Variants in COL6A2 observed in about 807,000 individuals in gnomAD.
COL6A2 encodes collagen alpha-2(VI) chain.
A neutral mutation model predicts 124.9 loss-of-function variants in COL6A2; 90 were observed. The observed-to-expected ratio is 0.72, with a 90% CI of 0.61 to 0.86. The LOEUF is 0.86. Ranked by LOEUF, COL6A2 falls within the 40% of genes least tolerant of loss-of-function variation. The pLI is 0.00. For missense variants in COL6A2, 1,607 were observed against 1,502.5 expected, an observed-to-expected ratio of 1.07 and a Z score of -1.15; for synonymous variants, 793 against 618.2, an observed-to-expected ratio of 1.28 and a Z score of -4.19.
At chr21:46,101,519 G>C (rs1305268327) in intron 1 of COL6A2, among the ~76,000 whole-genome samples, 2 of 152,240 alleles carry the variant, frequency 1.3e-5, no homozygotes, top group East Asian at 1.9e-4. Context: ...TCTTCTAAGG[G>C]TTTTAAAGTT....
In COL6A2 at chr21:46,111,493, G is replaced by A; in HGVS notation, c.17G>A (p.Cys6Tyr). 2.5e-6 allele frequency: 4 copies of A among 1,612,412 alleles called. No homozygotes were observed. Among genetic ancestry groups the A allele is most frequent in the Non-Finnish European group, 3.4e-6 (4 of 1,179,480 alleles). MLQGT[C>Y]SVLLLWGILG... ...GCTGCCAAGATGCTCCAGGGCACCT[G>A]CTCCGTGCTCCTGCTCTGGGGAATC... The change falls in exon 2 of 28, where the codon TGC becomes TAC. Residue 6 changes from cysteine to tyrosine, a missense_variant. By Grantham distance (194) the Cys-to-Tyr change is radical (BLOSUM62 -2). Transcript: ENST00000300527.
rs112459235 is a variant in COL6A2, at chr21:46,111,920, C to T, written c.116-59C>T. ...CACAAACAGGCACGGGGCCAGGAAA[C>T]GGGGCTCCAACAGCAGTCCCTCCTG... On this transcript the variant is annotated intron_variant, in intron 2 of 27. Coordinates refer to ENST00000300527, the MANE Select transcript of COL6A2 (RefSeq NM_001849.4). The T allele has an allele frequency of 3.9e-4, 595 of 1,538,694 alleles. 4 individuals carry two copies. The African/African-American group carries it at 6.9e-3, about 18-fold the overall frequency.
chr21:46,111,998 C>T lies in COL6A2; in HGVS notation c.135C>T (p.Ile45=). 6.2e-7 allele frequency: 1 copy of T among 1,612,426 alleles called. No homozygotes were observed. The highest frequency in any genetic ancestry group is 2.2e-5 in the East Asian group (1 of 44,864). ...CCACAGAGAAGACCGACTGCCCCAT[C>T]CACGTGTACTTCGTGCTGGACACCT... The part of the protein sequence containing the change: ...NNCPEKTDCP[I]HVYFVLDTSE... The change falls in exon 3 of 28, where the codon ATC becomes ATT. Residue 45 remains isoleucine, a synonymous_variant. Transcript: ENST00000300527.
At chr21:46,131,810 G>A (rs1255240842) in intron 27 of COL6A2, 144 bp from the exon 28 acceptor site, 9 of 767,410 alleles carry the variant, frequency 1.2e-5, no homozygotes, top group Non-Finnish European at 1.9e-5. Flanking sequence ...ACCCAGGGCT[G>A]CCCTGCAGAA....
At chr21:46,102,103 A>G (rs1052947510) in intron 1 of COL6A2, among the ~76,000 whole-genome samples, 1 of 152,046 alleles carries the variant, frequency 6.6e-6, no homozygotes, top group Non-Finnish European at 1.5e-5. Context: ...TTCTCATTGT[A>G]CAGGTCTTTC....
intron 27 of COL6A2, chr21:46,129,884 T>C: frequency 3.9e-6 from 4 of 1,014,054 alleles, no homozygotes; most frequent in Non-Finnish European, 4.7e-6. Flanking sequence ...TTGGAGGCCC[T>C]TACTTAGCGG....
At chr21:46,125,010 G>A (rs757706357) in intron 23 of COL6A2, 90 bp downstream of exon 23, 135 of 1,493,036 alleles carry the variant, frequency 9.0e-5, no homozygotes, top group Non-Finnish European at 1.1e-4. Context: ...CAGCTGGCAC[G>A]GTCAGAGAGC....
At chr21:46,127,208 G>A (rs1290254477) in intron 27 of COL6A2, among the ~76,000 whole-genome samples, 1 of 152,148 alleles carries the variant, frequency 6.6e-6, no homozygotes, top group African/African-American at 2.4e-5. Context: ...TCCCCTCCAG[G>A]AGTGTGAGGG....
rs781407025 is a variant in COL6A2 at position 46,126,075 on chromosome 21, G to A, written c.2260G>A (p.Val754Met). 6.2e-7 allele frequency: 1 copy of A among 1,612,990 alleles called. No homozygotes were observed. The highest frequency in any genetic ancestry group is 1.7e-5 in the Admixed American group (1 of 60,038). Reference protein sequence around the residue: ...LRALCDRDVTVTAIGIGDMFH... With the variant: ...LRALCDRDVTMTAIGIGDMFH... The stretch of plus-strand genomic sequence containing the variant: ...GGCGCTGTGCGACCGCGACGTCACA[G>A]TGACGGCCATCGGCATCGGGGACAT... The change falls in exon 26 of 28, where the codon GTG becomes ATG. Residue 754 changes from valine (V) to methionine (M), a missense_variant. By Grantham distance (21) the Val-to-Met change is conservative. Coordinates refer to ENST00000300527, the MANE Select transcript of COL6A2 (RefSeq NM_001849.4).
At chr21:46,115,205 T>G in intron 5 of COL6A2, among the ~76,000 whole-genome samples, 1 of 152,218 alleles carries the variant, frequency 6.6e-6, no homozygotes, top group Non-Finnish European at 1.5e-5. Flanking sequence ...GGTTAGAGTT[T>G]GAGGGGTGGC....
chr21:46,114,281 CG>C (rs1424978668), intron 5 of COL6A2, among the ~76,000 whole-genome samples: 18 of 152,102 alleles, frequency 1.2e-4, no homozygotes, highest in Admixed American at 9.2e-4. Flanking sequence ...AAAAATTAGC[CG>C]GGCGTAGTGG....
chr21:46,131,477 G>A lies in COL6A2; in HGVS notation c.2462-477G>A, dbSNP rs147775647. ...GGCTCCTGGTCTTTCCGGGAGGGAC[G>A]TGGCCCAGCCAGCTCTAGGTGTTCT... is the stretch of plus-strand genomic sequence containing the variant. On this transcript the variant is annotated intron_variant, in intron 27 of 27. Transcript: ENST00000300527. Among the ~76,000 whole-genome samples, 657 of 152,330 alleles carry A rather than the reference G, an allele frequency of 4.3e-3. 6 individuals are homozygous for A. Among genetic ancestry groups the A allele is most frequent in the Middle Eastern group, 0.017 (5 of 294 alleles).
In COL6A2 at chr21:46,132,363, G is replaced by T; in HGVS notation, c.2871G>T (p.Leu957=). 2 of 1,608,914 alleles carry T rather than the reference G, an allele frequency of 1.2e-6. No homozygotes were observed. Among genetic ancestry groups the T allele is most frequent in the Non-Finnish European group, 8.5e-7 (1 of 1,179,560 alleles). ...LTDGVTGNDS[L]HESAHSMRKQ... ...ACGGCGTCACGGGCAACGACAGTCT[G>T]CACGAGTCGGCGCACTCCATGCGCA... Residue 957 remains leucine (L), a synonymous_variant, in exon 28 of 28, where the codon CTG becomes CTT. Transcript: ENST00000300527.
chr21:46,132,516 C>T lies in COL6A2; in HGVS notation c.3024C>T (p.Pro1008=), dbSNP rs201635208. 4.4e-5 allele frequency: 71 copies of T among 1,606,390 alleles called. No individual in the cohort carries two copies. The highest frequency in any genetic ancestry group is 3.0e-4 in the Admixed American group (18 of 59,916). The stretch of plus-strand genomic sequence containing the variant: ...AGGACTATGACAGCCTGGCGCAACC[C>T]GGCTTCTTCGACCGCTTCATCCGCT... The part of the protein sequence containing the change: ...HEKDYDSLAQ[P]GFFDRFIRWI... The change falls in exon 28 of 28, where the codon CCC becomes CCT. Residue 1008 remains proline, a synonymous_variant. Coordinates refer to ENST00000300527, the MANE Select transcript of COL6A2 (RefSeq NM_001849.4).
Position 46,116,916 on chromosome 21 carries a change from TACACACGCATACACACAC to T in COL6A2, c.999+109_999+126del. 1.2e-6 allele frequency: 1 copy of T among 804,010 alleles called. No homozygotes were observed. Among genetic ancestry groups the T allele is most frequent in the South Asian group, 1.5e-5 (1 of 66,734 alleles). 49.8% of individuals were successfully genotyped at this position (804,010 alleles called of 1,614,324 possible). On this transcript the variant is annotated intron_variant, in intron 10 of 27. Coordinates refer to ENST00000300527, the MANE Select transcript of COL6A2 (RefSeq NM_001849.4). This position sits in a 1 kb window ranked among gnomAD's most constrained non-coding sequence, Gnocchi z 4.6. ...CCTGATCTGTCAGCTTACACATGTGTACACACGCATACACACACACACACACACACACACACACACGAA... is the reference window on the plus strand; with the variant it reads ...CCTGATCTGTCAGCTTACACATGTGTACACACACACACACACACACACGAA...
At chr21:46,114,132 G>C in intron 5 of COL6A2, 59 bp downstream of exon 5, 1 of 1,473,040 alleles carries the variant, frequency 6.8e-7, no homozygotes, top group Non-Finnish European at 9.5e-7. Context: ...GATTTGTTTT[G>C]AAATCCACAC....
intron 1 of COL6A2, among the ~76,000 whole-genome samples, chr21:46,101,032 G>T (rs1004493569): frequency 2.6e-5 from 4 of 152,168 alleles, no homozygotes; most frequent in Admixed American, 1.3e-4. Context: ...CAAGGGTCCA[G>T]TTTCTCCACA....
In COL6A2 at chr21:46,132,385, C is replaced by T. The variant is rs201188174; in HGVS notation, c.2893C>T (p.Arg965Cys). Reference protein sequence around the residue: ...DSLHESAHSMRKQNVVPTVLA... With the variant: ...DSLHESAHSMCKQNVVPTVLA... The stretch of plus-strand genomic sequence containing the variant: ...TCTGCACGAGTCGGCGCACTCCATG[C>T]GCAAGCAGAACGTGGTACCCACCGT... The change falls in exon 28 of 28, where the codon CGC (arginine) becomes TGC (cysteine). Residue 965 changes from arginine to cysteine, a missense_variant. Coordinates refer to ENST00000300527, the MANE Select transcript of COL6A2 (RefSeq NM_001849.4). 625 of 1,609,486 alleles carry T rather than the reference C, an allele frequency of 3.9e-4. No homozygotes were observed. Among genetic ancestry groups the T allele is most frequent in the Non-Finnish European group, 4.5e-4 (532 of 1,179,324 alleles).
intron 1 of COL6A2, among the ~76,000 whole-genome samples, chr21:46,103,159 C>G (rs1312930348): frequency 6.6e-6 from 1 of 152,098 alleles, no homozygotes; most frequent in East Asian, 1.9e-4. Context: ...TAGGTTTTGT[C>G]TGTCTGGAAA....
Sources: allele counts gnomAD v4.1 joint callset (sites outside exome capture counted in the v4.1 genomes callset), GRCh38; gene constraint gnomAD v4.1.1; non-coding constraint Gnocchi (gnomAD v3.1); transcripts MANE v1.5; gene names NCBI Gene and HGNC (gene_info 2026-07-23, HGNC 2026-07-21).